Variants in TRIM33 observed in about 807,000 individuals in gnomAD.
TRIM33 encodes the protein tripartite motif containing 33.
A neutral mutation model predicts 125.4 loss-of-function variants in TRIM33; 20 were observed. The observed-to-expected ratio is 0.16, with a 90% CI of 0.11 to 0.23. The LOEUF (loss-of-function observed/expected upper bound fraction) is 0.23, where lower values mean the gene tolerates loss of function less well. Ranked by LOEUF, TRIM33 falls within the 10% of genes least tolerant of loss-of-function variation. TRIM33 has a pLI of 1.00. For missense variants in TRIM33, 920 were observed against 1,411.4 expected (o/e 0.65, Z 5.58); for synonymous variants, 564 against 513.9 (o/e 1.10, Z -1.32).
chr1:114,399,807 T>G (rs1180055250), intron 17 of TRIM33, among the ~76,000 whole-genome samples, 198 bp from the exon 18 acceptor site: 1 of 152,118 alleles, frequency 6.6e-6, no homozygotes, highest in Non-Finnish European at 1.5e-5. Flanking sequence ...TCTTCATGGT[T>G]AGTCCAAGTC....
chr1:114,397,626 A>AAT lies in TRIM33; in HGVS notation c.*21_*22insAT. The AAT allele has an allele frequency of 4.9e-5, 61 of 1,242,130 alleles. No homozygotes were observed. Among genetic ancestry groups the AAT allele is most frequent in the Non-Finnish European group, 6.4e-5 (58 of 905,300 alleles). The allele number at this position is 1,242,130 out of a possible 1,614,324, so 76.9% of individuals were successfully genotyped here. A position where few individuals can be genotyped will look rare whatever the true frequency, so the allele number is the denominator to read the frequency against. ...TTTTTCGTTTTTTTTTTTTTAAACAATTGATTTAAATCCATGTCATTTTAC... is the reference window on the plus strand; with the variant it reads ...TTTTTCGTTTTTTTTTTTTTAAACAAATTTGATTTAAATCCATGTCATTTTAC... On this transcript the variant is annotated 3_prime_UTR_variant, in exon 20 of 20. Transcript: ENST00000358465.
At chr1:114,416,027 G>C (rs1652921044) in intron 11 of TRIM33, among the ~76,000 whole-genome samples, 1 of 150,846 alleles carries the variant, frequency 6.6e-6, no homozygotes, top group Admixed American at 6.6e-5. Flanking sequence ...GAAACTCCTT[G>C]AGGTCAAGGA....
intron 4 of TRIM33, among the ~76,000 whole-genome samples, chr1:114,445,121 A>T (rs1432702804): frequency 1.3e-5 from 2 of 152,248 alleles, no homozygotes; most frequent in African/African-American, 2.4e-5. Context: ...AAAAGTATCC[A>T]GTGTGAAGAA....
chr1:114,449,983 A>G (rs1649215642), intron 4 of TRIM33, among the ~76,000 whole-genome samples: 1 of 152,240 alleles, frequency 6.6e-6, no homozygotes, highest in Admixed American at 6.5e-5. Flanking sequence ...TTGGTGAATC[A>G]CATTCTCTAA....
chr1:114,443,833 G>A (rs1163049831), intron 4 of TRIM33, among the ~76,000 whole-genome samples: 2 of 150,836 alleles, frequency 1.3e-5, no homozygotes, highest in East Asian at 3.9e-4. Context: ...AGGAGTTCGA[G>A]ACCAGCCTGG....
chr1:114,432,276 T>C (rs973473209), intron 5 of TRIM33, among the ~76,000 whole-genome samples: 1 of 152,156 alleles, frequency 6.6e-6, no homozygotes, highest in Non-Finnish European at 1.5e-5. Context: ...TGTATAAAAA[T>C]ATGGGACTGC....
chr1:114,413,920 G>A (rs542936055), intron 11 of TRIM33, among the ~76,000 whole-genome samples: 29 of 151,950 alleles, frequency 1.9e-4, no homozygotes, highest in Non-Finnish European at 3.7e-4. Context: ...CCAGTTACTG[G>A]GGATACTGGG....
intron 1 of TRIM33, among the ~76,000 whole-genome samples, chr1:114,490,084 C>CAAAAAAAAAAAAAAAAAAAAAAAAAAAAA (rs776451339): frequency 8.0e-5 from 3 of 37,644 alleles, no homozygotes; most frequent in African/African-American, 2.0e-4. Flanking sequence ...GACTCCGTCT[C>CAAAAAAAAAAAAAAAAAAAAAAAAAAAAA]AAAAAAAAAA....
intron 12 of TRIM33, among the ~76,000 whole-genome samples, chr1:114,409,326 T>C (rs1359569816): frequency 6.6e-6 from 1 of 152,236 alleles, no homozygotes; most frequent in Admixed American, 6.5e-5. Flanking sequence ...ATAGGGTTAA[T>C]AAAACCGCTG....
intron 1 of TRIM33, among the ~76,000 whole-genome samples, chr1:114,475,720 C>G (rs1440235120): frequency 6.6e-6 from 1 of 151,664 alleles, no homozygotes; most frequent in Non-Finnish European, 1.5e-5. Context: ...AAAGAGAATG[C>G]CACTTAGTAT....
rs1653335000 is a variant in TRIM33 at position 114,511,029 on chromosome 1, G to A, written c.48C>T (p.Gly16=). The change falls in exon 1 of 20, where the codon GGC becomes GGT. Residue 16 remains glycine, a synonymous_variant. Coordinates refer to ENST00000358465, the MANE Select transcript of TRIM33 (RefSeq NM_015906.4). Reference sequence around the variant, plus strand: ...CGGCAGTTACCGGCGCGCTGCCGCTGCCCCCGCCGCCGCTCTCAGCCTCGC... The same window carrying A: ...CGGCAGTTACCGGCGCGCTGCCGCTACCCCCGCCGCCGCTCTCAGCCTCGC... ...GGGEAESGGG[G]SGSAPVTAGA... 2 of 1,317,244 alleles carry A rather than the reference G, an allele frequency of 1.5e-6. No homozygotes were observed. Among genetic ancestry groups the A allele is most frequent in the Non-Finnish European group, 1.9e-6 (2 of 1,032,194 alleles). 81.6% of individuals were successfully genotyped at this position (1,317,244 alleles called of 1,614,324 possible).
At chr1:114,492,204 G>A (rs946917119) in intron 1 of TRIM33, among the ~76,000 whole-genome samples, 2 of 152,130 alleles carry the variant, frequency 1.3e-5, no homozygotes, top group African/African-American at 4.8e-5. Context: ...ATAAATTTTA[G>A]CATGTAGGTG....
rs144999772 is a variant in TRIM33 at position 114,408,878 on chromosome 1, C to T, written c.2195-138G>A. On this transcript the variant is annotated intron_variant, in intron 12 of 19. Coordinates refer to ENST00000358465, the MANE Select transcript of TRIM33 (RefSeq NM_015906.4). ...TCAGACCTAGTCACAAAGTCAGGGA[C>T]GCATGTGTAACCATTAGCAGACATC... The T allele has an allele frequency of 8.5e-4, 508 of 597,190 alleles. 4 individuals are homozygous for T. The highest frequency in any genetic ancestry group is 8.3e-3 in the African/African-American group (436 of 52,800). 37.0% of individuals were successfully genotyped at this position (597,190 alleles called of 1,614,324 possible). A position where few individuals can be genotyped will look rare whatever the true frequency, so the allele number is the denominator to read the frequency against.
intron 1 of TRIM33, among the ~76,000 whole-genome samples, chr1:114,486,627 G>A (rs1651715422): frequency 6.7e-6 from 1 of 150,350 alleles, no homozygotes; most frequent in African/African-American, 2.4e-5. Context: ...AAGATAACAG[G>A]CAACAGAATA....
chr1:114,400,053 A>T (rs1258152872), intron 17 of TRIM33, among the ~76,000 whole-genome samples: 2 of 152,232 alleles, frequency 1.3e-5, no homozygotes, highest in East Asian at 3.8e-4. Context: ...TGACTTAGTA[A>T]CAGAGGAAGT....
At chr1:114,440,392 T>C (rs929756030) in intron 4 of TRIM33, among the ~76,000 whole-genome samples, 2 of 149,248 alleles carry the variant, frequency 1.3e-5, no homozygotes, top group Non-Finnish European at 3.0e-5. Flanking sequence ...AAGAGGAAAG[T>C]TCATAGTTTT....
At chr1:114,484,163 G>T (rs562868865) in intron 1 of TRIM33, among the ~76,000 whole-genome samples, 2 of 152,188 alleles carry the variant, frequency 1.3e-5, no homozygotes, top group Non-Finnish European at 2.9e-5. Context: ...GAGCTCTTAA[G>T]AGCTTGTTAG....
chr1:114,401,346 A>G, intron 17 of TRIM33, 43 bp downstream of exon 17: 1 of 1,553,156 alleles, frequency 6.4e-7, no homozygotes, highest in East Asian at 2.3e-5. Flanking sequence ...ACTCTTAAGT[A>G]TTATGAGACT....
At chr1:114,399,076 A>G (rs1651722335) in intron 18 of TRIM33, among the ~76,000 whole-genome samples, 1 of 152,032 alleles carries the variant, frequency 6.6e-6, no homozygotes, top group Admixed American at 6.6e-5. Context: ...TTAAGGTTCT[A>G]CATTCATGTT....
Sources: allele counts gnomAD v4.1 joint callset (sites outside exome capture counted in the v4.1 genomes callset), GRCh38; gene constraint gnomAD v4.1.1; transcripts MANE v1.5; gene names NCBI Gene and HGNC (gene_info 2026-07-23, HGNC 2026-07-21).